The following VPS45 variants were observed in gnomAD, a reference collection of about 807,000 sequenced individuals.
VPS45 encodes the protein vacuolar protein sorting 45 homolog.
In VPS45, 35 loss-of-function variants were observed where a neutral mutation model predicts 75.9. The ratio of observed to expected loss-of-function variants is 0.46; its 90% confidence interval spans 0.35 to 0.61. The LOEUF (loss-of-function observed/expected upper bound fraction) is 0.61, where lower values mean the gene tolerates loss of function less well. VPS45 is among the 20% of genes least tolerant of loss of function. The probability of loss-of-function intolerance (pLI) is 0.00; values close to 1 mark genes in which losing one functional copy is unlikely to be tolerated. For synonymous variants in VPS45, 220 were observed against 238.2 expected (o/e 0.92, Z 0.70); for missense variants, 559 against 685.9 (o/e 0.81, Z 2.07).
At chr1:150,101,492 T>C (rs2101588164) in intron 13 of VPS45, among the ~76,000 whole-genome samples, 1 of 151,614 alleles carries the variant, frequency 6.6e-6, no homozygotes, top group African/African-American at 2.4e-5. Context: ...TCCCAGCACT[T>C]TGGGAGGCCG....
At chr1:150,076,697 C>T (rs1161272984) in intron 4 of VPS45, 11 of 596,956 alleles carry the variant, frequency 1.8e-5, no homozygotes, top group Non-Finnish European at 2.9e-5. Flanking sequence ...ACCTTACAAC[C>T]TTTATTTGTT....
intron 13 of VPS45, 175 bp from the exon 14 acceptor site, chr1:150,110,321 T>C: frequency 1.8e-6 from 1 of 565,140 alleles, no homozygotes; most frequent in Non-Finnish European, 3.0e-6. Context: ...TTTCCTGCTC[T>C]GTTTCCTGCC....
intron 14 of VPS45, among the ~76,000 whole-genome samples, chr1:150,136,460 C>T (rs1289887825): frequency 1.3e-5 from 2 of 151,736 alleles, no homozygotes; most frequent in Non-Finnish European, 2.9e-5. Flanking sequence ...GAGGCTAAGG[C>T]AAGAGAATTG....
intron 10 of VPS45, among the ~76,000 whole-genome samples, chr1:150,086,751 G>A (rs587616267): frequency 6.6e-6 from 1 of 152,218 alleles, no homozygotes; most frequent in African/African-American, 2.4e-5. Flanking sequence ...ATTGGGTCTT[G>A]TCTGCTTTCT....
intron 13 of VPS45, 65 bp from the exon 14 acceptor site, chr1:150,110,431 G>T: frequency 2.8e-6 from 4 of 1,437,010 alleles, no homozygotes; most frequent in South Asian, 2.9e-5. Flanking sequence ...AAAACTCTGT[G>T]TATGTAAGTC....
intron 3 of VPS45, 146 bp downstream of exon 3, chr1:150,072,372 C>T (rs1375206048): frequency 1.2e-4 from 75 of 603,768 alleles, no homozygotes; most frequent in Non-Finnish European, 1.8e-4. Context: ...TATTAAAAAT[C>T]TTTTGACCTG....
intron 14 of VPS45, 152 bp from the exon 15 acceptor site, chr1:150,144,557 T>TG (rs1659572035): frequency 1.5e-6 from 1 of 646,242 alleles, no homozygotes; most frequent in Admixed American, 2.9e-5. Context: ...AGTGCTCAAC[T>TG]GATGCTTCCA....
chr1:150,070,247 G>A (rs184433509), intron 2 of VPS45, among the ~76,000 whole-genome samples: 20 of 152,244 alleles, frequency 1.3e-4, no homozygotes, highest in African/African-American at 4.6e-4. Flanking sequence ...CATGAAAACA[G>A]ATATGATATC....
At chr1:150,102,130 C>T (rs187008663) in intron 13 of VPS45, among the ~76,000 whole-genome samples, 43 of 146,192 alleles carry the variant, frequency 2.9e-4, no homozygotes, top group Middle Eastern at 3.9e-3. Flanking sequence ...CCCAGCTACT[C>T]GGGAGGCTAA....
chr1:150,072,103 C>T, intron 2 of VPS45, 63 bp from the exon 3 acceptor site: 2 of 1,410,888 alleles, frequency 1.4e-6, no homozygotes, highest in Non-Finnish European at 2.0e-6. Context: ...TGGGTGAATG[C>T]TTATTACTTT....
chr1:150,114,970 T>C (rs1657852646), intron 14 of VPS45, among the ~76,000 whole-genome samples: 1 of 151,876 alleles, frequency 6.6e-6, no homozygotes, highest in Non-Finnish European at 1.5e-5. Flanking sequence ...TGTCTAAAAG[T>C]GTCTTAATTC....
intron 14 of VPS45, among the ~76,000 whole-genome samples, chr1:150,139,567 A>G (rs587772502): frequency 0.11 from 16,032 of 151,232 alleles, 1,165 homozygotes; most frequent in Non-Finnish European, 0.16. Flanking sequence ...CTTTTTTTTG[A>G]GACAGAGTCT....
chr1:150,134,472 G>C (rs1263611406), intron 14 of VPS45, among the ~76,000 whole-genome samples: 1 of 152,156 alleles, frequency 6.6e-6, no homozygotes, highest in Non-Finnish European at 1.5e-5. Context: ...AAAATTGCCA[G>C]TAACATAGAT....
At chr1:150,115,074 T>C (rs1265629022) in intron 14 of VPS45, among the ~76,000 whole-genome samples, 1 of 152,202 alleles carries the variant, frequency 6.6e-6, no homozygotes, top group Non-Finnish European at 1.5e-5. Flanking sequence ...AAAGTCATGT[T>C]TGGCATAATT....
chr1:150,125,625 G>A (rs1553810574), intron 14 of VPS45, among the ~76,000 whole-genome samples: 1 of 121,594 alleles, frequency 8.2e-6, no homozygotes, highest in Non-Finnish European at 1.7e-5. Context: ...ACAGGAAGGG[G>A]AACATCACAC....
chr1:150,068,724 T>C lies in VPS45; in HGVS notation c.188T>C (p.Met63Thr). Residue 63 changes from methionine to threonine, a missense_variant, in exon 2 of 15, where the codon ATG becomes ACG. Transcript: ENST00000644510. ...ATTGATTCTCAAAATCGAGAGATCA[T>C]GAAACACCTGAAGGCAATTTGTTTT... ...ERIDSQNREI[M>T]KHLKAICFLR... 6.2e-7 allele frequency: 1 copy of C among 1,612,964 alleles called. No homozygotes were observed. The highest frequency in any genetic ancestry group is 8.5e-7 in the Non-Finnish European group (1 of 1,179,514).
At chr1:150,103,266 G>T (rs139561106) in intron 13 of VPS45, among the ~76,000 whole-genome samples, 107 of 152,156 alleles carry the variant, frequency 7.0e-4, no homozygotes, top group African/African-American at 2.5e-3. Context: ...ATATGGAAAA[G>T]ATTTGCTATG....
At chr1:150,098,973 TGTA>T (rs1422198383) in intron 13 of VPS45, 4 of 1,139,072 alleles carry the variant, frequency 3.5e-6, no homozygotes, top group Non-Finnish European at 4.4e-6. Flanking sequence ...TTTATACAAA[TGTA>T]GTAGAATCTT....
chr1:150,121,903 A>C (rs1302737433), intron 14 of VPS45, among the ~76,000 whole-genome samples: 1 of 152,202 alleles, frequency 6.6e-6, no homozygotes, highest in Non-Finnish European at 1.5e-5. Flanking sequence ...GTAAATCAGT[A>C]TGTAATAGAT....
Sources: allele counts gnomAD v4.1 joint callset (sites outside exome capture counted in the v4.1 genomes callset), GRCh38; gene constraint gnomAD v4.1.1; transcripts MANE v1.5; gene names NCBI Gene and HGNC (gene_info 2026-07-23, HGNC 2026-07-21).